XXYLT1: variants seen among roughly 807,000 people sequenced by gnomAD.
The protein encoded by XXYLT1 is xyloside xylosyltransferase 1.
In XXYLT1, 20 loss-of-function variants were observed where a neutral mutation model predicts 28.9. The ratio of observed to expected loss-of-function variants is 0.69; its 90% confidence interval spans 0.49 to 1.00. The LOEUF (loss-of-function observed/expected upper bound fraction) is 1.00. Among genes scored for constraint, XXYLT1 ranks in the 50% least tolerant of loss-of-function variants. The pLI is 0.00. For missense variants in XXYLT1, 542 were observed against 560.1 expected (o/e 0.97, Z 0.33); for synonymous variants, 257 against 253.8 (o/e 1.01, Z -0.12).
intron 1 of XXYLT1, among the ~76,000 whole-genome samples, chr3:195,231,084 A>C (rs915147721): frequency 2.6e-5 from 4 of 151,748 alleles, no homozygotes; most frequent in Admixed American, 6.6e-5. Flanking sequence ...TTCATCCTAG[A>C]GAGCTTTCAC....
chr3:195,233,097 C>T (rs1724369969), intron 1 of XXYLT1, among the ~76,000 whole-genome samples: 2 of 152,000 alleles, frequency 1.3e-5, no homozygotes, highest in African/African-American at 4.8e-5. Flanking sequence ...TATCCTTATG[C>T]TGAATTGACC....
At chr3:195,198,963 C>G (rs1722739925) in intron 2 of XXYLT1, among the ~76,000 whole-genome samples, 1 of 152,206 alleles carries the variant, frequency 6.6e-6, no homozygotes, top group African/African-American at 2.4e-5. Flanking sequence ...TATTGGGAGG[C>G]ATTTTGCCAA....
chr3:195,103,071 G>C (rs1716878636), intron 3 of XXYLT1, among the ~76,000 whole-genome samples: 1 of 152,318 alleles, frequency 6.6e-6, no homozygotes, highest in Non-Finnish European at 1.5e-5. Flanking sequence ...TATGTCTAAG[G>C]AATCAACCCC....
chr3:195,080,626 G>T (rs774489952), intron 3 of XXYLT1, among the ~76,000 whole-genome samples: 3 of 152,232 alleles, frequency 2.0e-5, no homozygotes, highest in Non-Finnish European at 4.4e-5. Flanking sequence ...CACTGTCCCC[G>T]ACAGCCTCAT....
chr3:195,228,664 A>C (rs1294931117), intron 1 of XXYLT1, among the ~76,000 whole-genome samples: 1 of 148,900 alleles, frequency 6.7e-6, no homozygotes, highest in Non-Finnish European at 1.5e-5. Context: ...AATTTTTTGT[A>C]TTTTTAGTAG....
intron 3 of XXYLT1, among the ~76,000 whole-genome samples, chr3:195,144,734 AC>A (rs1181410608): frequency 2.0e-5 from 3 of 152,132 alleles, no homozygotes; most frequent in Non-Finnish European, 2.9e-5. Flanking sequence ...CAAGGATTCT[AC>A]TACTCCTTTT....
At chr3:195,120,982 G>C (rs1344041818) in intron 3 of XXYLT1, among the ~76,000 whole-genome samples, 1 of 152,228 alleles carries the variant, frequency 6.6e-6, no homozygotes, top group Non-Finnish European at 1.5e-5. Context: ...AGGCAGGAGA[G>C]TGTGAGGGTG....
At chr3:195,198,036 G>A (rs567935275) in intron 2 of XXYLT1, among the ~76,000 whole-genome samples, 7 of 152,318 alleles carry the variant, frequency 4.6e-5, no homozygotes, top group African/African-American at 1.4e-4. Flanking sequence ...CCATGAAATC[G>A]GACTAGCAGA....
Position 195,129,803 on chromosome 3 carries a change from C to T in XXYLT1, c.785+26646G>A, listed in dbSNP as rs1718812827. Among the ~76,000 whole-genome samples, 1 of 151,958 alleles carries T rather than the reference C, an allele frequency of 6.6e-6. No homozygotes were observed. The highest frequency in any genetic ancestry group is 2.1e-4 in the South Asian group (1 of 4,808). On this transcript the variant is annotated intron_variant, in intron 3 of 3. Transcript: ENST00000310380. This position sits in a 1 kb window ranked among gnomAD's most constrained non-coding sequence, Gnocchi z 4.4. ...CCATTTGCATGTTAGTGTGTGGGCG[C>T]ATGTTTTCAGTTCTCTCGGGTCTCT...
Position 195,116,601 on chromosome 3 carries a change from C to T in XXYLT1, c.785+39848G>A, listed in dbSNP as rs763990226. 3.9e-5 allele frequency among the ~76,000 whole-genome samples: 6 copies of T among 152,182 alleles called. No homozygotes were observed. The South Asian group carries it at 6.2e-4, about 16-fold the overall frequency. On this transcript the variant is annotated intron_variant, in intron 3 of 3. Coordinates refer to ENST00000310380, the MANE Select transcript of XXYLT1 (RefSeq NM_152531.5). The stretch of plus-strand genomic sequence containing the variant: ...CACAGGACAACTTATCAGCTCTCAC[C>T]GGCTTGCAACTCTATTTCCTGCTCT...
At chr3:195,154,610 C>T (rs377356561) in intron 3 of XXYLT1, among the ~76,000 whole-genome samples, 25 of 152,286 alleles carry the variant, frequency 1.6e-4, no homozygotes, top group African/African-American at 6.0e-4. Context: ...CTCCCAAGGG[C>T]TTGCAGGCCA....
At chr3:195,211,775 T>C (rs1577151937) in intron 2 of XXYLT1, among the ~76,000 whole-genome samples, 1 of 151,932 alleles carries the variant, frequency 6.6e-6, no homozygotes, top group Admixed American at 6.6e-5. Flanking sequence ...GATGGCCTCA[T>C]TGCACAAAGA....
chr3:195,243,747 T>G (rs1242912481), intron 1 of XXYLT1, among the ~76,000 whole-genome samples: 3 of 152,152 alleles, frequency 2.0e-5, no homozygotes, highest in Non-Finnish European at 4.4e-5. Context: ...TAGCTTTAAA[T>G]GGAAAAGGTA....
intron 2 of XXYLT1, among the ~76,000 whole-genome samples, chr3:195,174,343 A>G (rs749766880): frequency 6.6e-5 from 10 of 151,656 alleles, no homozygotes; most frequent in South Asian, 4.2e-4. Context: ...TGGCAATTAT[A>G]CCTTTTTTTT....
chr3:195,154,700 A>G (rs1720467443), intron 3 of XXYLT1, among the ~76,000 whole-genome samples: 1 of 152,196 alleles, frequency 6.6e-6, no homozygotes, highest in Non-Finnish European at 1.5e-5. Flanking sequence ...CAAAAGTCAC[A>G]CAGCACGTTT....
At chr3:195,219,665 C>T (rs1036200586) in intron 2 of XXYLT1, among the ~76,000 whole-genome samples, 1 of 152,210 alleles carries the variant, frequency 6.6e-6, no homozygotes, top group Non-Finnish European at 1.5e-5. Flanking sequence ...GAATCTTACA[C>T]CAGCCTTTGC....
At chr3:195,246,154 G>A (rs557012431) in intron 1 of XXYLT1, among the ~76,000 whole-genome samples, 3 of 152,274 alleles carry the variant, frequency 2.0e-5, no homozygotes, top group African/African-American at 7.2e-5. Flanking sequence ...GAGGATAAAT[G>A]GCTAAAATAA....
At chr3:195,100,760 C>T (rs1010745869) in intron 3 of XXYLT1, among the ~76,000 whole-genome samples, 1 of 152,220 alleles carries the variant, frequency 6.6e-6, no homozygotes, top group Non-Finnish European at 1.5e-5. Flanking sequence ...CCTCCTCGCC[C>T]CCAAGCCTTG....
At chr3:195,104,159 A>G (rs1158280112) in intron 3 of XXYLT1, among the ~76,000 whole-genome samples, 3 of 151,266 alleles carry the variant, frequency 2.0e-5, no homozygotes, top group Non-Finnish European at 4.4e-5. Context: ...CTTTGGGAGC[A>G]CACACCCACT....
Sources: allele counts gnomAD v4.1 joint callset (sites outside exome capture counted in the v4.1 genomes callset), GRCh38; gene constraint gnomAD v4.1.1; non-coding constraint Gnocchi (gnomAD v3.1); transcripts MANE v1.5; gene names NCBI Gene and HGNC (gene_info 2026-07-23, HGNC 2026-07-21).